The following SCP2 variants were observed in gnomAD, a reference collection of about 807,000 sequenced individuals.
The protein encoded by SCP2 is SCP-2/3-oxoacyl-CoA thiolase.
A neutral mutation model predicts 71.4 loss-of-function variants in SCP2; 48 were observed. That is an observed-to-expected ratio of 0.67 (90% CI 0.53 to 0.86). The LOEUF is 0.86. Among genes scored for constraint, SCP2 ranks in the 40% least tolerant of loss-of-function variants. SCP2 has a pLI of 0.00. For missense variants in SCP2, 560 were observed against 655.6 expected, an observed-to-expected ratio of 0.85 and a Z score of 1.59; for synonymous variants, 220 against 218.1, an observed-to-expected ratio of 1.01 and a Z score of -0.08.
chr1:53,029,927 C>T (rs1253579104), intron 13 of SCP2, among the ~76,000 whole-genome samples: 1 of 151,586 alleles, frequency 6.6e-6, no homozygotes, highest in African/African-American at 2.4e-5. Context: ...CTCGCTCTGT[C>T]ACCCAGGCTG....
At chr1:52,980,253 C>T (rs1658363677) in intron 9 of SCP2, 143 bp from the exon 10 acceptor site, 4 of 703,118 alleles carry the variant, frequency 5.7e-6, no homozygotes, top group Non-Finnish European at 7.0e-6. Context: ...GGATTATAGG[C>T]ATGAGCCAAT....
intron 11 of SCP2, among the ~76,000 whole-genome samples, chr1:52,999,635 A>C (rs1258606967): frequency 6.6e-6 from 1 of 152,192 alleles, no homozygotes; most frequent in Non-Finnish European, 1.5e-5. Flanking sequence ...TTGTTAGTTT[A>C]AAAACATTAA....
intron 6 of SCP2, among the ~76,000 whole-genome samples, chr1:52,972,080 G>A (rs1207778984): frequency 6.6e-6 from 1 of 152,108 alleles, no homozygotes; most frequent in African/African-American, 2.4e-5. Context: ...TCATTCGACA[G>A]ATTTCTAAAT....
In SCP2 at chr1:52,954,751, T is replaced by A; in HGVS notation, c.343T>A (p.Cys115Ser). ...RQLIQGGVAE[C>S]VLALGFEKMS... ...CGTTTTCCTTTAAGGTGTGGCAGAATGTGTCTTGGCTCTTGGGTTTGAGAA... is the reference window on the plus strand; with the variant it reads ...CGTTTTCCTTTAAGGTGTGGCAGAAAGTGTCTTGGCTCTTGGGTTTGAGAA... The change falls in exon 5 of 16, where the codon TGT becomes AGT. Residue 115 changes from cysteine (C) to serine (S), a missense_variant. Around this residue, in one of 3 missense-constraint regions of SCP2, gnomAD observed 513 missense variants for 573.1 expected, o/e 0.90. Coordinates refer to ENST00000371514, the MANE Select transcript of SCP2 (RefSeq NM_002979.5). 6.2e-7 allele frequency: 1 copy of A among 1,613,688 alleles called. No homozygotes were observed. Among genetic ancestry groups the A allele is most frequent in the Non-Finnish European group, 8.5e-7 (1 of 1,179,556 alleles).
At chr1:53,038,551 T>C (rs1663185909) in intron 13 of SCP2, among the ~76,000 whole-genome samples, 1 of 152,048 alleles carries the variant, frequency 6.6e-6, no homozygotes, top group Non-Finnish European at 1.5e-5. Context: ...ACCACAGGCA[T>C]GCACCACCAT....
intron 1 of SCP2, among the ~76,000 whole-genome samples, chr1:52,937,522 T>G (rs1653847312): frequency 6.6e-6 from 1 of 152,220 alleles, no homozygotes. Context: ...TAATTCTGGT[T>G]AAACCTTAAA....
At chr1:53,010,873 C>A (rs181197337) in intron 11 of SCP2, among the ~76,000 whole-genome samples, 145 of 152,264 alleles carry the variant, frequency 9.5e-4, no homozygotes, top group African/African-American at 3.2e-3. Context: ...CTAACTCCAC[C>A]ATCTCTCCCA....
intron 11 of SCP2, among the ~76,000 whole-genome samples, chr1:53,000,117 T>G (rs901066786): frequency 5.3e-5 from 8 of 151,858 alleles, no homozygotes; most frequent in African/African-American, 1.9e-4. Context: ...TGGTCACTTG[T>G]TTTAAATGAA....
intron 11 of SCP2, chr1:52,996,041 C>T (rs536753075): frequency 1.7e-5 from 21 of 1,268,006 alleles, no homozygotes; most frequent in African/African-American, 4.5e-5. Flanking sequence ...GAGCCCCCAT[C>T]GCCTCAGGCT....
At chr1:52,945,382 T>G (rs1408750064) in intron 2 of SCP2, among the ~76,000 whole-genome samples, 1 of 152,128 alleles carries the variant, frequency 6.6e-6, no homozygotes, top group Non-Finnish European at 1.5e-5. Flanking sequence ...TATTTTTTCA[T>G]GAGCATTTCT....
intron 9 of SCP2, 133 bp from the exon 10 acceptor site, chr1:52,980,263 T>C (rs1277699872): frequency 4.9e-6 from 4 of 809,262 alleles, no homozygotes; most frequent in African/African-American, 3.5e-5. Context: ...CATGAGCCAA[T>C]GCACCTGGGC....
At chr1:52,993,215 C>A (rs749197796) in intron 11 of SCP2, 23 of 1,613,994 alleles carry the variant, frequency 1.4e-5, no homozygotes, top group Non-Finnish European at 1.9e-5. Context: ...GACACAATGG[C>A]AGCCTTTCTT....
At chr1:53,038,786 T>C (rs1663202974) in intron 13 of SCP2, 131 bp from the exon 14 acceptor site, 4 of 1,097,838 alleles carry the variant, frequency 3.6e-6, no homozygotes, top group Non-Finnish European at 5.5e-6. Flanking sequence ...GGGTAAAAGA[T>C]CATAAGGGAC....
intron 12 of SCP2, among the ~76,000 whole-genome samples, chr1:53,026,859 A>G (rs1011715712): frequency 6.6e-6 from 1 of 151,770 alleles, no homozygotes; most frequent in African/African-American, 2.4e-5. Context: ...GAGGAAGGAG[A>G]AATGGATTTG....
chr1:52,961,702 T>A, intron 6 of SCP2, 73 bp downstream of exon 6: 2 of 1,316,984 alleles, frequency 1.5e-6, no homozygotes, highest in Non-Finnish European at 2.2e-6. Context: ...CAGTTATTTA[T>A]TAAGGAACTG....
At chr1:52,989,406 C>T (rs1398086903) in intron 11 of SCP2, among the ~76,000 whole-genome samples, 1 of 152,192 alleles carries the variant, frequency 6.6e-6, no homozygotes, top group Non-Finnish European at 1.5e-5. Flanking sequence ...AGAACATAAT[C>T]TCTGTGAGAG....
chr1:52,927,313 C>T lies in SCP2; in HGVS notation c.-84C>T. ...TGCCGCCCGCGGCCCTGGCTTCGGG[C>T]TTCAGGGAGCTCTGGTGCAGTCTCC... is the stretch of plus-strand genomic sequence containing the variant. On this transcript the variant is annotated 5_prime_UTR_variant, in exon 1 of 16. Transcript: ENST00000371514. 8.2e-7 allele frequency: 1 copy of T among 1,223,268 alleles called. No homozygotes were observed. Among genetic ancestry groups the T allele is most frequent in the Non-Finnish European group, 1.2e-6 (1 of 864,962 alleles). 75.8% of individuals were successfully genotyped at this position (1,223,268 alleles called of 1,614,324 possible).
At chr1:53,015,100 A>G in intron 12 of SCP2, 57 bp downstream of exon 12, 1 of 1,508,908 alleles carries the variant, frequency 6.6e-7, no homozygotes, top group Non-Finnish European at 9.2e-7. Context: ...TTCACAGTTG[A>G]TGATGTTTTA....
At chr1:52,970,058 A>G (rs1657325436) in intron 6 of SCP2, among the ~76,000 whole-genome samples, 1 of 152,048 alleles carries the variant, frequency 6.6e-6, no homozygotes, top group South Asian at 2.1e-4. Context: ...TAGTATTTTC[A>G]TTATCATTAT....
Sources: allele counts gnomAD v4.1 joint callset (sites outside exome capture counted in the v4.1 genomes callset), GRCh38; gene constraint gnomAD v4.1.1; regional missense constraint gnomAD v4.1.1; transcripts MANE v1.5; gene names NCBI Gene and HGNC (gene_info 2026-07-23, HGNC 2026-07-21).